The following CERKL variants were observed in gnomAD, a reference collection of about 807,000 sequenced individuals.
CERKL encodes the protein CERK like autophagy regulator.
CERKL carries 61 observed loss-of-function variants against 63.4 expected under a neutral mutation model. That is an observed-to-expected ratio of 0.96 (90% CI 0.78 to 1.19). The LOEUF (loss-of-function observed/expected upper bound fraction) is 1.19. CERKL is among the 50% of genes most tolerant of loss of function. The probability of loss-of-function intolerance (pLI) is 0.00; values close to 1 mark genes in which losing one functional copy is unlikely to be tolerated. For missense variants in CERKL, 675 were observed against 655.5 expected, an observed-to-expected ratio of 1.03 and a Z score of -0.33; for synonymous variants, 250 against 230.5, an observed-to-expected ratio of 1.08 and a Z score of -0.77.
intron 1 of CERKL, among the ~76,000 whole-genome samples, chr2:181,644,782 ATCT>A (rs1380238818): frequency 1.3e-5 from 2 of 148,928 alleles, no homozygotes; most frequent in Non-Finnish European, 3.0e-5. Context: ...ACTGTAATGA[ATCT>A]TCATTAATTT....
chr2:181,548,727 A>T lies in CERKL; in HGVS notation c.1026T>A (p.Pro342=). Residue 342 remains proline (P), a synonymous_variant, in exon 7 of 13, where the codon CCT becomes CCA. Transcript: ENST00000410087. ...CAACAGCAAAATCTCTCCGTTGGTTAGGGGACATCCATCGATATTTTTCTG... is the reference window on the plus strand; with the variant it reads ...CAACAGCAAAATCTCTCCGTTGGTTTGGGGACATCCATCGATATTTTTCTG... ...ALAEKYRWMS[P]NQRRDFAVVK... The T allele has an allele frequency of 6.2e-7, 1 of 1,614,062 alleles. No individual in the cohort carries two copies. Among genetic ancestry groups the T allele is most frequent in the Non-Finnish European group, 8.5e-7 (1 of 1,179,932 alleles).
At chr2:181,596,002 C>G (rs1053092619) in intron 2 of CERKL, among the ~76,000 whole-genome samples, 10 of 152,108 alleles carry the variant, frequency 6.6e-5, no homozygotes, top group Non-Finnish European at 1.0e-4. Context: ...GACATGTTAA[C>G]TTATTTAACA....
At chr2:181,610,033 A>G (rs763027868) in intron 1 of CERKL, among the ~76,000 whole-genome samples, 2 of 152,206 alleles carry the variant, frequency 1.3e-5, no homozygotes, top group Non-Finnish European at 2.9e-5. Flanking sequence ...TATATTTAAC[A>G]TTAAAATTAT....
At chr2:181,539,548 A>G (rs72883653) in intron 11 of CERKL, among the ~76,000 whole-genome samples, 2 of 151,986 alleles carry the variant, frequency 1.3e-5, no homozygotes, top group South Asian at 4.1e-4. Context: ...AGATTTTTCA[A>G]TTAAAGATAA....
chr2:181,623,128 T>C (rs1364463653), intron 1 of CERKL, among the ~76,000 whole-genome samples: 1 of 152,244 alleles, frequency 6.6e-6, no homozygotes, highest in African/African-American at 2.4e-5. Context: ...CCATAAGTCA[T>C]ACTTAAAATG....
intron 1 of CERKL, among the ~76,000 whole-genome samples, chr2:181,645,552 G>T (rs2105524876): frequency 6.6e-6 from 1 of 152,334 alleles, no homozygotes; most frequent in South Asian, 2.1e-4. Flanking sequence ...GGCCAGAAAA[G>T]AAGGAACTTG....
rs866941620 is a variant in CERKL, at chr2:181,537,976, G to T, written c.*208C>A. 1 of 661,434 alleles carries T rather than the reference G, an allele frequency of 1.5e-6. No individual in the cohort carries two copies. Among genetic ancestry groups the T allele is most frequent in the African/African-American group, 1.8e-5 (1 of 55,954 alleles). 41.0% of individuals were successfully genotyped at this position (661,434 alleles called of 1,614,324 possible). On this transcript the variant is annotated 3_prime_UTR_variant, in exon 13 of 13. Transcript: ENST00000410087. ...CCATATGGTGAACTGGTATGTGAGGGATCTAGAGTGCCATGTTCCTCAAGA... is the reference window on the plus strand; with the variant it reads ...CCATATGGTGAACTGGTATGTGAGGTATCTAGAGTGCCATGTTCCTCAAGA...
intron 4 of CERKL, among the ~76,000 whole-genome samples, chr2:181,564,768 T>C (rs2105830803): frequency 6.6e-6 from 1 of 152,288 alleles, no homozygotes; most frequent in South Asian, 2.1e-4. Context: ...CTTCATGTAC[T>C]CATGAGGTCT....
chr2:181,597,219 A>C (rs553812479), intron 2 of CERKL, among the ~76,000 whole-genome samples: 1 of 152,206 alleles, frequency 6.6e-6, no homozygotes, highest in Non-Finnish European at 1.5e-5. Flanking sequence ...TTTACATAAT[A>C]CCTATGTTTT....
rs199682889 is a variant in CERKL, at chr2:181,539,287, A to G, written c.1366-23T>C. On this transcript the variant is annotated intron_variant, in intron 11 of 12. Coordinates refer to ENST00000410087, the MANE Select transcript of CERKL (RefSeq NM_201548.5). The stretch of plus-strand genomic sequence containing the variant: ...GAACTAAAAATAAATACAAATAATC[A>G]TTATACTTGGTTTATCTCTAGCTAC... 196 of 1,473,380 alleles carry G rather than the reference A, an allele frequency of 1.3e-4. No homozygotes were observed. The African/African-American group carries it at 2.2e-3, about 17-fold the overall frequency. The allele number at this position is 1,473,380 out of a possible 1,614,324, so 91.3% of individuals were successfully genotyped here. A position where few individuals can be genotyped will look rare whatever the true frequency, so the allele number is the denominator to read the frequency against.
At chr2:181,630,238 G>A (rs547778860) in intron 1 of CERKL, among the ~76,000 whole-genome samples, 4 of 152,084 alleles carry the variant, frequency 2.6e-5, no homozygotes, top group African/African-American at 9.6e-5. Context: ...CAGAGTCGGG[G>A]TTTTGCCATG....
chr2:181,566,475 G>A (rs1688672633), intron 3 of CERKL, among the ~76,000 whole-genome samples: 1 of 152,140 alleles, frequency 6.6e-6, no homozygotes. Context: ...TGGAAATAAG[G>A]CATATTAGCT....
chr2:181,652,837 C>T (rs1687996704), intron 1 of CERKL, among the ~76,000 whole-genome samples: 1 of 151,012 alleles, frequency 6.6e-6, no homozygotes, highest in African/African-American at 2.4e-5. Context: ...TGCAGTGGCA[C>T]TATCTCGGCT....
At chr2:181,577,516 G>A (rs1684303779) in intron 2 of CERKL, among the ~76,000 whole-genome samples, 1 of 152,230 alleles carries the variant, frequency 6.6e-6, no homozygotes, top group Non-Finnish European at 1.5e-5. Context: ...AAGCTATACA[G>A]TCCTGGGAAA....
At chr2:181,583,969 A>G (rs1247543237) in intron 2 of CERKL, among the ~76,000 whole-genome samples, 6 of 152,202 alleles carry the variant, frequency 3.9e-5, no homozygotes, top group African/African-American at 1.2e-4. Context: ...ATATTTGGTT[A>G]TCTGAAAAAT....
chr2:181,628,226 T>C (rs554190100), intron 1 of CERKL, among the ~76,000 whole-genome samples: 3 of 152,294 alleles, frequency 2.0e-5, no homozygotes, highest in East Asian at 1.9e-4. Flanking sequence ...AAGGACAACC[T>C]TGTAGCTACT....
intron 2 of CERKL, among the ~76,000 whole-genome samples, chr2:181,600,606 A>G (rs1685417551): frequency 6.6e-6 from 1 of 152,214 alleles, no homozygotes; most frequent in Admixed American, 6.5e-5. Flanking sequence ...AACAACATCA[A>G]AAAGAGACAA....
chr2:181,645,852 C>A (rs1200971534), intron 1 of CERKL, among the ~76,000 whole-genome samples: 1 of 152,086 alleles, frequency 6.6e-6, no homozygotes, highest in Non-Finnish European at 1.5e-5. Context: ...TTAGGACAGT[C>A]ACTAATATAA....
chr2:181,606,269 G>T (rs1284765716), intron 1 of CERKL, among the ~76,000 whole-genome samples: 1 of 124,796 alleles, frequency 8.0e-6, no homozygotes, highest in Non-Finnish European at 1.7e-5. Flanking sequence ...AGGGAGTGGG[G>T]GGTGGGAGGA....
Sources: gnomAD v4.1 joint callset for allele counts (sites outside exome capture counted in the v4.1 genomes callset) on GRCh38, gnomAD v4.1.1 for gene constraint, MANE v1.5 for transcripts, NCBI Gene and HGNC (gene_info 2026-07-23, HGNC 2026-07-21) for gene names.